The following STK3 variants were observed in gnomAD, a reference collection of about 807,000 sequenced individuals.
STK3 encodes serine/threonine kinase 3.
A neutral mutation model predicts 58.0 loss-of-function variants in STK3; 41 were observed. The ratio of observed to expected loss-of-function variants is 0.71; its 90% CI spans 0.55 to 0.92. The LOEUF is 0.92. Ranked by LOEUF, STK3 falls within the 40% of genes least tolerant of loss-of-function variation. The pLI is 0.00. For missense variants in STK3, 479 were observed against 602.7 expected (o/e 0.79, Z 2.15); for synonymous variants, 170 against 191.0 (o/e 0.89, Z 0.91).
At chr8:98,344,913 A>G in the STK3 span, among the ~76,000 whole-genome samples, 6 of 150,116 alleles carry the variant, frequency 4.0e-5, no homozygotes, top group Non-Finnish European at 5.9e-5. Flanking sequence ...AAAAAAAAAA[A>G]AAAAAGAAAA....
At chr8:98,446,580 ATGG>A (rs1393369912) in intron 1 of STK3, among the ~76,000 whole-genome samples, 3 of 152,206 alleles carry the variant, frequency 2.0e-5, no homozygotes, top group Non-Finnish European at 4.4e-5. Context: ...ATCAGGCAGA[ATGG>A]CTATTACTAA....
At chr8:98,519,507 A>G (rs1260360783) in intron 10 of STK3, among the ~76,000 whole-genome samples, 2 of 149,014 alleles carry the variant, frequency 1.3e-5, no homozygotes, top group Admixed American at 1.3e-4. Flanking sequence ...ACAAGTGAAG[A>G]TTCCTAAAAT....
intron 6 of STK3, among the ~76,000 whole-genome samples, chr8:98,699,076 T>G (rs1825283781): frequency 6.6e-6 from 1 of 152,216 alleles, no homozygotes; most frequent in Non-Finnish European, 1.5e-5. Flanking sequence ...TTGTTCTTTT[T>G]CTCTAAACTT....
At chr8:98,653,301 C>T (rs571397112) in intron 6 of STK3, among the ~76,000 whole-genome samples, 2 of 152,244 alleles carry the variant, frequency 1.3e-5, no homozygotes, top group East Asian at 1.9e-4. Flanking sequence ...AAAGACACAA[C>T]ATACCAGATT....
chr8:98,386,327 T>A (rs1291871355), intron 1 of STK3, among the ~76,000 whole-genome samples: 1 of 152,196 alleles, frequency 6.6e-6, no homozygotes, highest in East Asian at 1.9e-4. Context: ...CAAATGCCTA[T>A]CAGTAGGAAA....
At chr8:98,589,082 CCTT>C in intron 7 of STK3, among the ~76,000 whole-genome samples, 1 of 152,192 alleles carries the variant, frequency 6.6e-6, no homozygotes, top group East Asian at 1.9e-4. Flanking sequence ...TCGTCTGAAG[CCTT>C]CTTCTCTCAG....
At chr8:98,923,877 G>GCA (rs1293539412) in intron 1 of STK3, among the ~76,000 whole-genome samples, 61 of 148,920 alleles carry the variant, frequency 4.1e-4, no homozygotes, top group African/African-American at 1.3e-3. Flanking sequence ...GCGCGCGCGC[G>GCA]TTGACAATGA....
chr8:98,722,788 A>T, intron 4 of STK3: 1 of 383,482 alleles, frequency 2.6e-6, no homozygotes, highest in Non-Finnish European at 5.0e-6. Flanking sequence ...ATAGGTCCAT[A>T]CCCAACTATT....
intron 3 of STK3, among the ~76,000 whole-genome samples, chr8:98,758,702 C>T (rs1830443553): frequency 6.6e-6 from 1 of 152,206 alleles, no homozygotes; most frequent in Admixed American, 6.5e-5. Context: ...ATGGCATCTC[C>T]TTCCAGTAGA....
chr8:98,492,313 C>T lies in STK3; in HGVS notation c.1317+34429G>A, dbSNP rs1406722127. On this transcript the variant is annotated intron_variant, in intron 10 of 10. Transcript: ENST00000419617. ...ATTAAGTTGCAATTTCTGATTTACTCCAAAAGGATCTTTCTGGGCAGGCAG... is the reference window on the plus strand; with the variant it reads ...ATTAAGTTGCAATTTCTGATTTACTTCAAAAGGATCTTTCTGGGCAGGCAG... Among the ~76,000 whole-genome samples the T allele has an allele frequency of 3.3e-5, 5 of 152,138 alleles. No homozygotes were observed. The South Asian group carries it at 6.2e-4, about 19-fold the overall frequency.
chr8:98,477,954 A>G (rs1695983987), intron 10 of STK3, among the ~76,000 whole-genome samples: 1 of 152,100 alleles, frequency 6.6e-6, no homozygotes, highest in African/African-American at 2.4e-5. Flanking sequence ...AACCCAAATA[A>G]ATCACCCCTG....
intron 3 of STK3, among the ~76,000 whole-genome samples, chr8:98,871,155 G>T (rs1441471149): frequency 6.6e-6 from 1 of 152,164 alleles, no homozygotes; most frequent in Admixed American, 6.5e-5. Context: ...GATGGTTGTA[G>T]ATGTGTGGTA....
chr8:98,488,010 G>C (rs1171015319), intron 10 of STK3, among the ~76,000 whole-genome samples: 1 of 152,250 alleles, frequency 6.6e-6, no homozygotes, highest in Admixed American at 6.5e-5. Flanking sequence ...TGGTGTAACT[G>C]TCAGAACACT....
At chr8:98,783,787 A>T (rs1357973099) in intron 1 of STK3, among the ~76,000 whole-genome samples, 2 of 152,238 alleles carry the variant, frequency 1.3e-5, no homozygotes, top group Non-Finnish European at 2.9e-5. Flanking sequence ...TTTATTTCCA[A>T]GATGGCAGAT....
chr8:98,780,350 T>C (rs1475396963), intron 1 of STK3, among the ~76,000 whole-genome samples: 1 of 152,128 alleles, frequency 6.6e-6, no homozygotes. Flanking sequence ...TGAAAACTTA[T>C]TAGCTCAGTG....
intron 1 of STK3, among the ~76,000 whole-genome samples, chr8:98,911,374 A>ATATTG (rs1001435537): frequency 6.6e-6 from 1 of 151,668 alleles, no homozygotes; most frequent in Non-Finnish European, 1.5e-5. Context: ...ACTCATATAA[A>ATATTG]TATTGTATTG....
At chr8:98,550,897 T>C (rs1362886213) in intron 8 of STK3, among the ~76,000 whole-genome samples, 2 of 152,220 alleles carry the variant, frequency 1.3e-5, no homozygotes, top group South Asian at 2.1e-4. Context: ...TCTTGAATAC[T>C]ATTTCTATCA....
At chr8:98,924,463 T>C (rs1273230128) in intron 1 of STK3, among the ~76,000 whole-genome samples, 3 of 152,214 alleles carry the variant, frequency 2.0e-5, no homozygotes, top group Non-Finnish European at 4.4e-5. Context: ...TCTTTATGCA[T>C]ACTTTCCCTC....
intron 3 of STK3, among the ~76,000 whole-genome samples, chr8:98,423,226 G>A (rs979418545): frequency 5.9e-5 from 9 of 152,212 alleles, no homozygotes; most frequent in South Asian, 4.1e-4. Context: ...TATACGTGTC[G>A]TGAAGGCACA....
Sources: gnomAD v4.1 joint callset for allele counts (sites outside exome capture counted in the v4.1 genomes callset) on GRCh38, gnomAD v4.1.1 for gene constraint, MANE v1.5 for transcripts, NCBI Gene and HGNC (gene_info 2026-07-23, HGNC 2026-07-21) for gene names.